Variants in DCC observed in about 807,000 individuals in gnomAD.
DCC encodes DCC netrin 1 receptor.
In DCC, 58 loss-of-function variants were observed where a neutral mutation model predicts 172.5. The ratio of observed to expected loss-of-function variants is 0.34; its 90% CI spans 0.27 to 0.42. The LOEUF is 0.42. DCC is among the 10% of genes least tolerant of loss of function. The probability of loss-of-function intolerance (pLI) is 1.00; values close to 1 mark genes in which losing one functional copy is unlikely to be tolerated. For synonymous variants in DCC, 709 were observed against 644.5 expected (o/e 1.10, Z -1.52); for missense variants, 1,740 against 1,791.0 (o/e 0.97, Z 0.51).
chr18:52,728,665 G>A (rs768381434), intron 1 of DCC, among the ~76,000 whole-genome samples: 15 of 152,178 alleles, frequency 9.9e-5, no homozygotes, highest in Non-Finnish European at 1.9e-4. Context: ...ATTACAATGT[G>A]CCTCTGTTAT....
chr18:53,186,012 G>T (rs1869581521), intron 9 of DCC, among the ~76,000 whole-genome samples: 1 of 152,166 alleles, frequency 6.6e-6, no homozygotes, highest in African/African-American at 2.4e-5. Flanking sequence ...GAAAGTGAAG[G>T]ACATAGCTTA....
chr18:52,850,679 C>T (rs1249042606), intron 2 of DCC, among the ~76,000 whole-genome samples: 1 of 152,076 alleles, frequency 6.6e-6, no homozygotes, highest in East Asian at 1.9e-4. Flanking sequence ...ACTGGAATTA[C>T]ACATTCACCC....
intron 1 of DCC, among the ~76,000 whole-genome samples, chr18:52,672,198 G>A (rs964555053): frequency 2.6e-5 from 4 of 152,190 alleles, no homozygotes; most frequent in African/African-American, 9.6e-5. Context: ...TAAAAGGTCT[G>A]TGATTTGTTA....
chr18:53,234,342 T>G (rs2056168387), intron 12 of DCC, among the ~76,000 whole-genome samples: 1 of 152,022 alleles, frequency 6.6e-6, no homozygotes. Flanking sequence ...GCCAGGAGAA[T>G]CGCTTGAACC....
chr18:53,340,397 A>G (rs2057645021), intron 15 of DCC, among the ~76,000 whole-genome samples: 1 of 152,196 alleles, frequency 6.6e-6, no homozygotes, highest in African/African-American at 2.4e-5. Flanking sequence ...TATGAATGTT[A>G]AAGGCTGTGT....
chr18:52,735,681 C>A (rs909591281), intron 1 of DCC, among the ~76,000 whole-genome samples: 2 of 151,966 alleles, frequency 1.3e-5, no homozygotes, highest in Non-Finnish European at 1.5e-5. Flanking sequence ...AAGCATCCAG[C>A]ATGGGAGAAG....
chr18:52,814,918 A>G (rs2038265287), intron 2 of DCC, among the ~76,000 whole-genome samples: 1 of 152,174 alleles, frequency 6.6e-6, no homozygotes, highest in Non-Finnish European at 1.5e-5. Flanking sequence ...GATGGCTAAA[A>G]AAAATGAGGC....
intron 1 of DCC, among the ~76,000 whole-genome samples, chr18:52,699,198 AG>A (rs2036064092): frequency 6.6e-6 from 1 of 152,180 alleles, no homozygotes; most frequent in Non-Finnish European, 1.5e-5. Flanking sequence ...AAGGGATGAC[AG>A]GGTGCAAGAT....
At chr18:53,435,927 C>T (rs965859781) in intron 22 of DCC, among the ~76,000 whole-genome samples, 2 of 152,086 alleles carry the variant, frequency 1.3e-5, no homozygotes, top group Admixed American at 6.6e-5. Context: ...ATGTATGAGG[C>T]CATGTTATAA....
intron 5 of DCC, among the ~76,000 whole-genome samples, chr18:52,999,880 A>G (rs2041537597): frequency 6.6e-6 from 1 of 152,182 alleles, no homozygotes; most frequent in Middle Eastern, 3.4e-3. Flanking sequence ...ATTAGTTAAG[A>G]TAAGGTAATA....
intron 1 of DCC, among the ~76,000 whole-genome samples, chr18:52,724,897 C>T (rs2036528371): frequency 6.6e-6 from 1 of 152,152 alleles, no homozygotes; most frequent in Non-Finnish European, 1.5e-5. Context: ...TGGAAATGGA[C>T]CTGTGGGCAA....
chr18:52,845,822 A>C (rs2145328256), intron 2 of DCC, among the ~76,000 whole-genome samples: 1 of 152,358 alleles, frequency 6.6e-6, no homozygotes, highest in South Asian at 2.1e-4. Context: ...CAGCCTGAGA[A>C]GTCAAGTACA....
chr18:52,847,790 T>C (rs541363090), intron 2 of DCC, among the ~76,000 whole-genome samples: 1 of 152,312 alleles, frequency 6.6e-6, no homozygotes, highest in Non-Finnish European at 1.5e-5. Flanking sequence ...TGTGAAGCAA[T>C]CTGAAAGAGA....
chr18:52,533,069 A>T (rs2032196464), intron 1 of DCC, among the ~76,000 whole-genome samples: 3 of 152,146 alleles, frequency 2.0e-5, no homozygotes, highest in African/African-American at 7.2e-5. Flanking sequence ...AATATTTGCT[A>T]GAAGTTTTTA....
intron 1 of DCC, among the ~76,000 whole-genome samples, chr18:52,705,984 T>C (rs1479896017): frequency 6.6e-6 from 1 of 152,190 alleles, no homozygotes; most frequent in Non-Finnish European, 1.5e-5. Context: ...ACCTGGGCAA[T>C]CTGTGGATAG....
chr18:52,594,423 G>T (rs987955702), intron 1 of DCC, among the ~76,000 whole-genome samples: 2 of 152,154 alleles, frequency 1.3e-5, no homozygotes, highest in African/African-American at 4.8e-5. Flanking sequence ...ATGTCTGGGT[G>T]TATATTAGTG....
chr18:53,176,927 C>G lies in DCC; in HGVS notation c.1419-2035C>G, dbSNP rs1455573923. On this transcript the variant is annotated intron_variant, in intron 8 of 28. Transcript: ENST00000442544. ...CACAATAGCAAAGACTTGGAACCAA[C>G]CCAAATGTCCAACAATGATAGACTG... is the stretch of plus-strand genomic sequence containing the variant. Among the ~76,000 whole-genome samples the G allele has an allele frequency of 7.3e-5, 11 of 151,226 alleles. 1 individual carries two copies. Among genetic ancestry groups the G allele is most frequent in the Non-Finnish European group, 1.5e-5 (1 of 67,714 alleles).
intron 24 of DCC, among the ~76,000 whole-genome samples, chr18:53,466,313 T>C (rs981526124): frequency 6.6e-6 from 1 of 152,184 alleles, no homozygotes; most frequent in Non-Finnish European, 1.5e-5. Flanking sequence ...CTTTGGTAGA[T>C]GGTTTTAGGT....
chr18:52,427,131 C>T (rs937629948), intron 1 of DCC, among the ~76,000 whole-genome samples: 1 of 152,040 alleles, frequency 6.6e-6, no homozygotes, highest in Non-Finnish European at 1.5e-5. Context: ...TCACTAAGTA[C>T]TTACTACTGG....
Sources: gnomAD v4.1 joint callset for allele counts (sites outside exome capture counted in the v4.1 genomes callset) on GRCh38, gnomAD v4.1.1 for gene constraint, MANE v1.5 for transcripts, NCBI Gene and HGNC (gene_info 2026-07-23, HGNC 2026-07-21) for gene names.